The following TAMM41 variants were observed in gnomAD, a reference collection of about 807,000 sequenced individuals.
TAMM41 encodes the protein phosphatidate cytidylyltransferase, mitochondrial.
TAMM41 carries 36 observed loss-of-function variants against 44.1 expected under a neutral mutation model. That is an observed-to-expected ratio of 0.82 (90% CI 0.63 to 1.08). TAMM41 has a LOEUF of 1.08. TAMM41 is among the 50% of genes least tolerant of loss of function. The pLI is 0.00. For missense variants in TAMM41, 417 were observed against 404.3 expected (o/e 1.03, Z -0.27); for synonymous variants, 164 against 153.1 (o/e 1.07, Z -0.53).
the TAMM41 span, among the ~76,000 whole-genome samples, chr3:11,758,454 C>A: frequency 3.3e-5 from 5 of 151,698 alleles, no homozygotes; most frequent in Admixed American, 2.6e-4. Context: ...CAGGTTCAAG[C>A]GATTCTCCTG....
intron 1 of TAMM41, among the ~76,000 whole-genome samples, chr3:11,844,469 C>T (rs537633924): frequency 6.6e-6 from 1 of 152,302 alleles, no homozygotes; most frequent in East Asian, 1.9e-4. Context: ...GCAGTCACTC[C>T]ATTTATCCTC....
chr3:11,768,152 T>G, the TAMM41 span, among the ~76,000 whole-genome samples: 1 of 151,250 alleles, frequency 6.6e-6, no homozygotes, highest in Non-Finnish European at 1.5e-5. Context: ...TTTGTTTTTT[T>G]TTTGAGATGG....
At chr3:11,764,514 A>T in the TAMM41 span, among the ~76,000 whole-genome samples, 2 of 56,934 alleles carry the variant, frequency 3.5e-5, no homozygotes, top group African/African-American at 1.9e-4. Context: ...TTTTTTTGAG[A>T]CAGAGTCTTG....
chr3:11,731,460 A>G, the TAMM41 span, among the ~76,000 whole-genome samples: 1 of 152,066 alleles, frequency 6.6e-6, no homozygotes, highest in East Asian at 1.9e-4. Context: ...GTGCCCCTGC[A>G]TTCCAGCCTG....
intron 7 of TAMM41, among the ~76,000 whole-genome samples, chr3:11,797,052 G>A (rs1046149759): frequency 1.3e-5 from 2 of 152,160 alleles, no homozygotes; most frequent in Non-Finnish European, 2.9e-5. Context: ...AACCAATACT[G>A]TTAAAATGGT....
chr3:11,806,041 C>A (rs766532055), intron 7 of TAMM41, among the ~76,000 whole-genome samples: 1 of 152,186 alleles, frequency 6.6e-6, no homozygotes, highest in Non-Finnish European at 1.5e-5. Flanking sequence ...CTCTTGCCTG[C>A]CGCCATGTAA....
chr3:11,754,706 CTCTTTT>C, the TAMM41 span, among the ~76,000 whole-genome samples: 1,149 of 106,800 alleles, frequency 0.011, 14 homozygotes, highest in African/African-American at 0.038. Flanking sequence ...TTTCTCAGAT[CTCTTTT>C]TTTTTTTTTT....
the TAMM41 span, among the ~76,000 whole-genome samples, chr3:11,725,403 C>A: frequency 7.7e-6 from 1 of 129,458 alleles, no homozygotes; most frequent in Admixed American, 8.1e-5. Context: ...TTTCTTCTTC[C>A]TCTTCTTCTT....
the TAMM41 span, among the ~76,000 whole-genome samples, chr3:11,729,086 A>G: frequency 1.3e-5 from 2 of 151,778 alleles, no homozygotes; most frequent in Non-Finnish European, 2.9e-5. Context: ...TTTTCACAGC[A>G]TGGTTCTGAG....
chr3:11,818,640 T>C (rs2078380364), intron 4 of TAMM41, among the ~76,000 whole-genome samples: 2 of 152,096 alleles, frequency 1.3e-5, no homozygotes, highest in African/African-American at 2.4e-5. Flanking sequence ...CTCACACCTG[T>C]AATCCCAGCA....
intron 7 of TAMM41, among the ~76,000 whole-genome samples, chr3:11,801,746 A>T (rs974403420): frequency 5.3e-5 from 8 of 152,238 alleles, no homozygotes; most frequent in Middle Eastern, 3.2e-3. Flanking sequence ...CTACATAAAA[A>T]AGTAGGAAGA....
the TAMM41 span, among the ~76,000 whole-genome samples, chr3:11,775,447 G>C: frequency 6.3e-4 from 96 of 152,284 alleles, no homozygotes; most frequent in African/African-American, 2.2e-3. Flanking sequence ...CACCAAGGTG[G>C]CCAGGACCTA....
intron 5 of TAMM41, among the ~76,000 whole-genome samples, chr3:11,812,304 T>C (rs2078112739): frequency 6.6e-6 from 1 of 152,124 alleles, no homozygotes; most frequent in Admixed American, 6.5e-5. Flanking sequence ...CCTGTAGACC[T>C]AAAAGATGCA....
At chr3:11,803,714 A>G (rs2133132) in intron 7 of TAMM41, among the ~76,000 whole-genome samples, 1 of 152,090 alleles carries the variant, frequency 6.6e-6, no homozygotes, top group African/African-American at 2.4e-5. Context: ...AAATGTGTAT[A>G]TATCTACATC....
At chr3:11,772,279 C>T in the TAMM41 span, among the ~76,000 whole-genome samples, 3 of 143,200 alleles carry the variant, frequency 2.1e-5, no homozygotes, top group African/African-American at 7.8e-5. Context: ...GACGGGCTTT[C>T]ACCGTGTTAG....
At chr3:11,767,626 A>AT in the TAMM41 span, among the ~76,000 whole-genome samples, 166 of 60,712 alleles carry the variant, frequency 2.7e-3, 30 homozygotes, top group Middle Eastern at 0.014. Flanking sequence ...CACGTTGTGC[A>AT]TTTTTTTTTT....
At chr3:11,826,971 C>G (rs2078776509) in intron 4 of TAMM41, among the ~76,000 whole-genome samples, 1 of 152,210 alleles carries the variant, frequency 6.6e-6, no homozygotes, top group Admixed American at 6.5e-5. Flanking sequence ...TACTGCTTTC[C>G]TCCTAAACAC....
chr3:11,808,133 G>T, intron 6 of TAMM41: 1 of 986,496 alleles, frequency 1.0e-6, no homozygotes, highest in Non-Finnish European at 1.4e-6. Context: ...TGACCGAACA[G>T]CTCTGTGCCT....
the TAMM41 span, among the ~76,000 whole-genome samples, chr3:11,749,035 C>A: frequency 2.0e-5 from 3 of 151,680 alleles, no homozygotes; most frequent in African/African-American, 7.3e-5. Context: ...GCCTCAGCCT[C>A]TCAAATAGCT....
Sources: gnomAD v4.1 joint callset for allele counts (sites outside exome capture counted in the v4.1 genomes callset) on GRCh38, gnomAD v4.1.1 for gene constraint, MANE v1.5 for transcripts, NCBI Gene and HGNC (gene_info 2026-07-23, HGNC 2026-07-21) for gene names.